The following NRG1 variants were observed in gnomAD, a reference collection of about 807,000 sequenced individuals.
NRG1 encodes the protein neuregulin 1.
NRG1 carries 18 observed loss-of-function variants against 63.8 expected under a neutral mutation model. The observed-to-expected ratio is 0.28, with a 90% CI of 0.19 to 0.42. NRG1 has a LOEUF of 0.42. Among genes scored for constraint, NRG1 ranks in the 10% least tolerant of loss-of-function variants. The pLI, the probability that NRG1 is intolerant of heterozygous loss-of-function variation, is 1.00. For missense variants in NRG1, 762 were observed against 814.7 expected (o/e 0.94, Z 0.79); for synonymous variants, 302 against 301.3 (o/e 1.00, Z -0.02).
At chr8:32,241,552 C>T (rs956309970) in intron 1 of NRG1, among the ~76,000 whole-genome samples, 1 of 152,054 alleles carries the variant, frequency 6.6e-6, no homozygotes, top group Non-Finnish European at 1.5e-5. Context: ...GCACAATTGG[C>T]GTGCAATAGA....
At chr8:32,525,391 GGTGTGT>G (rs200594879) in intron 1 of NRG1, among the ~76,000 whole-genome samples, 101 of 145,842 alleles carry the variant, frequency 6.9e-4, no homozygotes, top group Admixed American at 1.2e-3. Context: ...ATGAGGTAGG[GGTGTGT>G]GTGTGTGTGT....
chr8:31,757,660 G>A (rs1039629566), intron 1 of NRG1, among the ~76,000 whole-genome samples: 2 of 152,088 alleles, frequency 1.3e-5, no homozygotes, highest in African/African-American at 4.8e-5. Context: ...TTTATGTCCT[G>A]TAGGAGGACC....
intron 1 of NRG1, among the ~76,000 whole-genome samples, chr8:32,357,791 T>G (rs1297341652): frequency 6.6e-6 from 1 of 152,222 alleles, no homozygotes; most frequent in Admixed American, 6.5e-5. Flanking sequence ...ATAGAAAAAT[T>G]TATAAGACAC....
intron 1 of NRG1, among the ~76,000 whole-genome samples, chr8:31,832,637 C>A (rs79433643): frequency 0.038 from 5,715 of 152,118 alleles, 398 homozygotes; most frequent in African/African-American, 0.13. Context: ...CCATTTCTTG[C>A]AGAAAATTTA....
At position 32,729,055 on chromosome 8, in the gene NRG1, G is replaced by A. The variant is rs774185076; in HGVS notation, c.632+977G>A. ...TGCACTCCAGCCTGGGTGACAGAGCGAGACTCCGTCCCAAAAAATAAAAAA... is the reference window on the plus strand; with the variant it reads ...TGCACTCCAGCCTGGGTGACAGAGCAAGACTCCGTCCCAAAAAATAAAAAA... On this transcript the variant is annotated intron_variant, in intron 6 of 11. Coordinates refer to ENST00000356819, the Ensembl canonical transcript of NRG1. Among the ~76,000 whole-genome samples, 8 of 152,064 alleles carry A rather than the reference G, an allele frequency of 5.3e-5. 1 individual carries two copies. In the South Asian group the frequency reaches 1.7e-3, roughly 32 times the overall value.
intron 1 of NRG1, among the ~76,000 whole-genome samples, chr8:32,571,963 C>A (rs1156967556): frequency 6.6e-6 from 1 of 152,098 alleles, no homozygotes; most frequent in Non-Finnish European, 1.5e-5. Context: ...GATTCCAAAC[C>A]CCATGTAATT....
intron 5 of NRG1, among the ~76,000 whole-genome samples, chr8:32,666,565 A>G (rs1292449880): frequency 6.6e-6 from 1 of 152,148 alleles, no homozygotes; most frequent in Admixed American, 6.6e-5. Context: ...TTCATGCAGG[A>G]GATGCACTGG....
intron 4 of NRG1, among the ~76,000 whole-genome samples, chr8:32,615,869 G>A (rs1847256812): frequency 8.1e-6 from 1 of 123,318 alleles, no homozygotes; most frequent in African/African-American, 2.9e-5. Context: ...AAGAGGAAAA[G>A]AGAGAGAAAA....
chr8:32,265,691 A>C (rs1056106153), intron 1 of NRG1, among the ~76,000 whole-genome samples: 4 of 151,992 alleles, frequency 2.6e-5, no homozygotes, highest in African/African-American at 9.7e-5. Context: ...AAAGTTTAAA[A>C]AATTAGCTGG....
At chr8:32,009,303 T>G (rs1215708087) in intron 1 of NRG1, among the ~76,000 whole-genome samples, 2 of 152,068 alleles carry the variant, frequency 1.3e-5, no homozygotes, top group African/African-American at 4.8e-5. Flanking sequence ...AAACATAGTC[T>G]GCTGATTTTA....
chr8:31,979,181 A>G (rs1221118167), intron 1 of NRG1, among the ~76,000 whole-genome samples: 1 of 152,122 alleles, frequency 6.6e-6, no homozygotes. Context: ...CCCATGCCCC[A>G]GGATTTGTTT....
chr8:32,428,632 C>T (rs193135567), intron 1 of NRG1, among the ~76,000 whole-genome samples: 178 of 152,308 alleles, frequency 1.2e-3, no homozygotes, highest in Non-Finnish European at 2.0e-3. Context: ...TGTCCTCCAG[C>T]AAATTCCTAG....
chr8:32,326,440 T>C (rs1198864681), intron 1 of NRG1, among the ~76,000 whole-genome samples: 1 of 151,758 alleles, frequency 6.6e-6, no homozygotes, highest in African/African-American at 2.4e-5. Context: ...GTCTCCCAAG[T>C]ATCTGGGACT....
At chr8:32,239,635 G>A (rs1847913591) in intron 1 of NRG1, among the ~76,000 whole-genome samples, 1 of 152,064 alleles carries the variant, frequency 6.6e-6, no homozygotes, top group South Asian at 2.1e-4. Flanking sequence ...TACAGAGCAG[G>A]AGAAAACATT....
intron 1 of NRG1, among the ~76,000 whole-genome samples, chr8:31,833,086 C>T (rs1825325477): frequency 6.6e-6 from 1 of 151,832 alleles, no homozygotes; most frequent in Admixed American, 6.6e-5. Flanking sequence ...GCAGATTGCC[C>T]AGTGACGGAT....
At chr8:31,928,212 G>T (rs989643793) in intron 1 of NRG1, among the ~76,000 whole-genome samples, 29 of 151,812 alleles carry the variant, frequency 1.9e-4, no homozygotes, top group African/African-American at 6.5e-4. Flanking sequence ...TATTTTTGAA[G>T]TTCCACTTGA....
intron 5 of NRG1, chr8:32,648,173 G>A: frequency 9.9e-6 from 16 of 1,614,122 alleles, no homozygotes; most frequent in Non-Finnish European, 1.4e-5. Flanking sequence ...CTGAAAGTGA[G>A]GTTCAAGTTA....
chr8:31,899,608 A>T (rs533052225), intron 1 of NRG1, among the ~76,000 whole-genome samples: 1 of 152,250 alleles, frequency 6.6e-6, no homozygotes, highest in South Asian at 2.1e-4. Context: ...AATTTATTAG[A>T]TATACCCTAT....
At chr8:31,815,881 AT>A (rs1255074974) in intron 1 of NRG1, among the ~76,000 whole-genome samples, 1 of 151,700 alleles carries the variant, frequency 6.6e-6, no homozygotes, top group Non-Finnish European at 1.5e-5. Context: ...GTATCTCATA[AT>A]TTTTATTTGT....
Sources: gnomAD v4.1 joint callset for allele counts (sites outside exome capture counted in the v4.1 genomes callset) on GRCh38, gnomAD v4.1.1 for gene constraint, MANE v1.5 for transcripts, NCBI Gene and HGNC (gene_info 2026-07-23, HGNC 2026-07-21) for gene names.